The following CTBS variants were observed in gnomAD, a reference collection of about 807,000 sequenced individuals.
CTBS encodes the protein di-N-acetylchitobiase.
Under a neutral mutation model 44.3 loss-of-function variants are expected in CTBS, and 35 were observed. That is an observed-to-expected ratio of 0.79 (90% CI 0.60 to 1.05). The LOEUF (loss-of-function observed/expected upper bound fraction) is 1.05, where lower values mean the gene tolerates loss of function less well. CTBS is among the 50% of genes least tolerant of loss of function. The probability of loss-of-function intolerance (pLI) is 0.00; values close to 1 mark genes in which losing one functional copy is unlikely to be tolerated. For synonymous variants in CTBS, 143 were observed against 168.0 expected, an observed-to-expected ratio of 0.85 and a Z score of 1.15; for missense variants, 458 against 475.3, an observed-to-expected ratio of 0.96 and a Z score of 0.34.
At chr1:84,567,772 G>A (rs540853090) in intron 3 of CTBS, among the ~76,000 whole-genome samples, 8 of 151,978 alleles carry the variant, frequency 5.3e-5, no homozygotes, top group South Asian at 2.1e-4. Context: ...CTAACCTCAC[G>A]TCTCCCTTTG....
At chr1:84,566,088 T>C (rs1334985475) in intron 3 of CTBS, 76 bp from the exon 4 acceptor site, 1 of 895,876 alleles carries the variant, frequency 1.1e-6, no homozygotes, top group African/African-American at 1.8e-5. Context: ...AAATTATATA[T>C]ATTTTTTACC....
Position 84,574,321 on chromosome 1 carries a change from G to A in CTBS, c.95C>T (p.Ala32Val), listed in dbSNP as rs764093334. 3 of 806,134 alleles carry A rather than the reference G, an allele frequency of 3.7e-6. No individual in the cohort carries two copies. The highest frequency in any genetic ancestry group is 4.9e-6 in the Non-Finnish European group (3 of 613,636). The allele number at this position is 806,134 out of a possible 1,614,324, so 49.9% of individuals were successfully genotyped here. The change falls in exon 1 of 7, where the codon GCG (alanine) becomes GTG (valine). Residue 32 changes from alanine to valine, a missense_variant. Transcript: ENST00000370630. ...GTCGGTCCCGGCCGCGAGCCGCAGC[G>A]CCAGCAGCGCCAGCAGCGCCAGCAG... ...LALLALLALL[A>V]LRLAAGTDCP... is the part of the protein sequence containing the mutation.
chr1:84,555,078 T>C lies in CTBS; in HGVS notation c.1079A>G (p.Asp360Gly), dbSNP rs757973408. ...GIGMWNANCLDYSGDAVAKQQ... is the reference protein window; with the variant it reads ...GIGMWNANCLGYSGDAVAKQQ... ...TTTGGCTACAGCATCTCCAGAGTAG[T>C]CAAGACAGTTTGCATTCCACATGCC... The change falls in exon 7 of 7, where the codon GAC becomes GGC. Residue 360 changes from aspartate (D) to glycine (G), a missense_variant. By Grantham distance (94) the Asp-to-Gly change is moderately conservative (BLOSUM62 -1). Coordinates refer to ENST00000370630, the MANE Select transcript of CTBS (RefSeq NM_004388.3). The C allele has an allele frequency of 3.7e-6, 6 of 1,613,922 alleles. No individual in the cohort carries two copies. Among genetic ancestry groups the C allele is most frequent in the Non-Finnish European group, 4.2e-6 (5 of 1,179,974 alleles).
chr1:84,557,533 C>CAAAAAAAAAAAAAAAAAAAA (rs56101174), intron 6 of CTBS, among the ~76,000 whole-genome samples: 1 of 55,434 alleles, frequency 1.8e-5, no homozygotes, highest in Non-Finnish European at 3.5e-5. Flanking sequence ...AACTCCATCT[C>CAAAAAAAAAAAAAAAAAAAA]AAAAAAAAAA....
chr1:84,552,945 G>T lies in CTBS; in HGVS notation c.*2054C>A. ...CCAAATGAGAGAAGACAGTTAAAGC[G>T]GTTACAAAAACCCTGTTTACATGAC... On this transcript the variant is annotated 3_prime_UTR_variant, in exon 7 of 7. Transcript: ENST00000370630. 1 of 781,970 alleles carries T rather than the reference G, an allele frequency of 1.3e-6. No homozygotes were observed. The highest frequency in any genetic ancestry group is 2.0e-6 in the Non-Finnish European group (1 of 490,432). 48.4% of individuals were successfully genotyped at this position (781,970 alleles called of 1,614,324 possible). A position where few individuals can be genotyped will look rare whatever the true frequency, so the allele number is the denominator to read the frequency against.
chr1:84,563,730 C>T lies in CTBS; in HGVS notation c.795+5G>A, dbSNP rs745323457. On this transcript the variant is annotated splice_donor_5th_base_variant and intron_variant, in intron 5 of 6. Coordinates refer to ENST00000370630, the MANE Select transcript of CTBS (RefSeq NM_004388.3). ...AAAAATTATGTAACAAATGACTGTT[C>T]CTACCTCAGACAGATTCAGGCAGGT... 5 of 1,539,020 alleles carry T rather than the reference C, an allele frequency of 3.2e-6. No individual in the cohort carries two copies. Among genetic ancestry groups the T allele is most frequent in the South Asian group, 1.2e-5 (1 of 81,026 alleles).
Position 84,563,438 on chromosome 1 carries a change from C to T in CTBS, c.796-20G>A. ...ATGATCCTAGAAATGCAAAAGTGCT[C>T]ATGTTATATATTATCAATTATGCAA... On this transcript the variant is annotated intron_variant, in intron 5 of 6. Transcript: ENST00000370630. 5 of 1,459,860 alleles carry T rather than the reference C, an allele frequency of 3.4e-6. No homozygotes were observed. The highest frequency in any genetic ancestry group is 4.5e-6 in the Non-Finnish European group (5 of 1,104,978). The allele number at this position is 1,459,860 out of a possible 1,614,324, so 90.4% of individuals were successfully genotyped here.
At chr1:84,559,065 A>G (rs1454388589) in intron 6 of CTBS, among the ~76,000 whole-genome samples, 1 of 152,178 alleles carries the variant, frequency 6.6e-6, no homozygotes, top group Admixed American at 6.5e-5. Context: ...ATTTTATTGT[A>G]CTTTGCTTTA....
chr1:84,559,302 C>T (rs1000726078), intron 6 of CTBS, among the ~76,000 whole-genome samples: 1 of 152,106 alleles, frequency 6.6e-6, no homozygotes, highest in Admixed American at 6.5e-5. Flanking sequence ...TTTGTGGGCA[C>T]CATGAACTGC....
chr1:84,565,883 A>C lies in CTBS; in HGVS notation c.655T>G (p.Cys219Gly). 2 of 1,586,446 alleles carry C rather than the reference A, an allele frequency of 1.3e-6. No individual in the cohort carries two copies. Among genetic ancestry groups the C allele is most frequent in the Non-Finnish European group, 1.7e-6 (2 of 1,168,208 alleles). The part of the protein sequence containing the change: ...YDEQSQIWSE[C>G]IAAANAPYNQ... ...TAGGGAGCATTGGCTGCTGCAATAC[A>C]TTCTGACCAGATCTGACTTTGTTCA... is the stretch of plus-strand genomic sequence containing the variant. Residue 219 changes from cysteine (C) to glycine (G), a missense_variant, in exon 4 of 7, where the codon TGT becomes GGT. Coordinates refer to ENST00000370630, the MANE Select transcript of CTBS (RefSeq NM_004388.3).
chr1:84,556,386 C>T (rs1447440600), intron 6 of CTBS, among the ~76,000 whole-genome samples: 1 of 152,112 alleles, frequency 6.6e-6, no homozygotes, highest in Non-Finnish European at 1.5e-5. Flanking sequence ...ATATTTACAG[C>T]AGCACTCCTG....
At position 84,551,011 on chromosome 1, in the gene CTBS, G is replaced by C; in HGVS notation, c.*3988C>G. 1 of 985,056 alleles carries C rather than the reference G, an allele frequency of 1.0e-6. No individual in the cohort carries two copies. The highest frequency in any genetic ancestry group is 1.2e-6 in the Non-Finnish European group (1 of 829,702). The allele number at this position is 985,056 out of a possible 1,614,324, so 61.0% of individuals were successfully genotyped here. On this transcript the variant is annotated 3_prime_UTR_variant, in exon 7 of 7. Transcript: ENST00000370630. ...CCTTCCTGGCAGAGACTATGCCTTA[G>C]TTAACTTTGTTTCTCCCATGGGACC...
intron 6 of CTBS, among the ~76,000 whole-genome samples, chr1:84,561,511 T>C (rs1245031565): frequency 1.3e-5 from 2 of 152,242 alleles, no homozygotes; most frequent in African/African-American, 4.8e-5. Flanking sequence ...AACTTATTAA[T>C]AAAGCAGCAG....
chr1:84,566,807 G>C (rs1036507862), intron 3 of CTBS, among the ~76,000 whole-genome samples: 14 of 151,908 alleles, frequency 9.2e-5, no homozygotes, highest in African/African-American at 3.4e-4. Context: ...TAATTTTTTT[G>C]TATTTTTAGT....
At position 84,554,109 on chromosome 1, in the gene CTBS, T is replaced by C. The variant is rs889390078; in HGVS notation, c.*890A>G. The C allele has an allele frequency of 6.6e-6, 1 of 151,880 alleles. No individual in the cohort carries two copies. Among genetic ancestry groups the C allele is most frequent in the Non-Finnish European group, 1.5e-5 (1 of 67,992 alleles). 9.4% of individuals were successfully genotyped at this position (151,880 alleles called of 1,614,324 possible). A position where few individuals can be genotyped will look rare whatever the true frequency, so the allele number is the denominator to read the frequency against. On this transcript the variant is annotated 3_prime_UTR_variant, in exon 7 of 7. Coordinates refer to ENST00000370630, the MANE Select transcript of CTBS (RefSeq NM_004388.3). ...CTGGACAACATAGCGAGACCCTGTC[T>C]CTACAAAAAATAAAAATAAAAAAGA...
At chr1:84,566,066 G>C in intron 3 of CTBS, 54 bp from the exon 4 acceptor site, 1 of 1,130,992 alleles carries the variant, frequency 8.8e-7, no homozygotes, top group Non-Finnish European at 1.2e-6. Flanking sequence ...TGCATATTAC[G>C]TCAGATTTTT....
chr1:84,566,910 G>A (rs1247344729), intron 3 of CTBS, among the ~76,000 whole-genome samples: 8 of 152,196 alleles, frequency 5.3e-5, no homozygotes, highest in Non-Finnish European at 8.8e-5. Flanking sequence ...GCTTACAGGC[G>A]TGAGCCACCA....
At chr1:84,564,677 C>A (rs1057493987) in intron 4 of CTBS, among the ~76,000 whole-genome samples, 2 of 152,068 alleles carry the variant, frequency 1.3e-5, no homozygotes, top group African/African-American at 2.4e-5. Flanking sequence ...TAATGTCTTG[C>A]CTGAAACACA....
At chr1:84,558,019 G>A (rs1684498996) in intron 6 of CTBS, among the ~76,000 whole-genome samples, 1 of 152,106 alleles carries the variant, frequency 6.6e-6, no homozygotes, top group Admixed American at 6.5e-5. Flanking sequence ...AGAGGCTGGG[G>A]GTGGGAAGAA....
Sources: allele counts gnomAD v4.1 joint callset (sites outside exome capture counted in the v4.1 genomes callset), GRCh38; gene constraint gnomAD v4.1.1; transcripts MANE v1.5; gene names NCBI Gene and HGNC (gene_info 2026-07-23, HGNC 2026-07-21).